PRKAR2B: variants seen among roughly 807,000 people sequenced by gnomAD.
The protein encoded by PRKAR2B is protein kinase cAMP-dependent type II regulatory subunit beta, also known as cAMP-dependent protein kinase type II-beta regulatory subunit.
Under a neutral mutation model 49.9 loss-of-function variants are expected in PRKAR2B, and 14 were observed. That is an observed-to-expected ratio of 0.28 (90% CI 0.19 to 0.44). The LOEUF (loss-of-function observed/expected upper bound fraction) is 0.44, where lower values mean the gene tolerates loss of function less well. PRKAR2B is among the 20% of genes least tolerant of loss of function. PRKAR2B has a pLI of 1.00. For missense variants in PRKAR2B, 393 were observed against 537.9 expected (o/e 0.73, Z 2.67); for synonymous variants, 196 against 197.7 (o/e 0.99, Z 0.07).
chr7:107,063,090 G>T (rs1267501148), intron 1 of PRKAR2B, among the ~76,000 whole-genome samples: 1 of 151,958 alleles, frequency 6.6e-6, no homozygotes, highest in Admixed American at 6.6e-5. Context: ...TGCAACTTCT[G>T]CCTCCCAGGT....
At chr7:107,153,933 C>G (rs1486589267) in intron 8 of PRKAR2B, among the ~76,000 whole-genome samples, 2 of 152,172 alleles carry the variant, frequency 1.3e-5, no homozygotes, top group Non-Finnish European at 2.9e-5. Context: ...CAGCCTTATA[C>G]TGTTTTGTGC....
chr7:107,135,419 T>G (rs774031380), intron 4 of PRKAR2B, among the ~76,000 whole-genome samples: 1 of 152,126 alleles, frequency 6.6e-6, no homozygotes, highest in Admixed American at 6.5e-5. Context: ...TGTAGTAAAA[T>G]GTATTGAGAA....
chr7:107,157,341 TG>T lies in PRKAR2B; in HGVS notation c.1123+20del, dbSNP rs1796111036. On this transcript the variant is annotated intron_variant, in intron 10 of 10. Transcript: ENST00000265717. ...AATGTTTAGGTAGGGATTGCAACAG[TG>T]GGCGTGCTTCTGCTGGTTGAACTTA... is the stretch of plus-strand genomic sequence containing the variant. 6.2e-7 allele frequency: 1 copy of T among 1,600,578 alleles called. No homozygotes were observed. Among genetic ancestry groups the T allele is most frequent in the Non-Finnish European group, 8.5e-7 (1 of 1,173,138 alleles).
rs201018627 is a variant in PRKAR2B at position 107,156,991 on chromosome 7, C to T, written c.926C>T (p.Ser309Leu). The change falls in exon 9 of 11, where the codon TCG (serine) becomes TTG (leucine). Residue 309 changes from serine (S) to leucine (L), a missense_variant. Coordinates refer to ENST00000265717, the MANE Select transcript of PRKAR2B (RefSeq NM_002736.3). Reference sequence around the variant, plus strand: ...TGTTATTGATTCCAATAGGGAGATTCGGCTGATTCTTTTTTCATTGTAGAA... The same window carrying T: ...TGTTATTGATTCCAATAGGGAGATTTGGCTGATTCTTTTTTCATTGTAGAA... ...DGEQIIAQGD[S>L]ADSFFIVESG... The T allele has an allele frequency of 4.4e-5, 71 of 1,609,660 alleles. No homozygotes were observed. The highest frequency in any genetic ancestry group is 5.1e-5 in the Non-Finnish European group (60 of 1,176,138).
intron 3 of PRKAR2B, among the ~76,000 whole-genome samples, chr7:107,126,394 C>T (rs531890014): frequency 2.3e-4 from 31 of 132,106 alleles, no homozygotes; most frequent in African/African-American, 9.1e-4. Context: ...ACACTCCAGC[C>T]TGGGCAACAG....
At chr7:107,100,196 A>G (rs1312216737) in intron 2 of PRKAR2B, among the ~76,000 whole-genome samples, 1 of 152,040 alleles carries the variant, frequency 6.6e-6, no homozygotes, top group African/African-American at 2.4e-5. Flanking sequence ...GCTAGCTGCA[A>G]ATACTCCTAG....
intron 4 of PRKAR2B, among the ~76,000 whole-genome samples, chr7:107,136,985 AAAAGACATG>A (rs1466958506): frequency 6.6e-6 from 1 of 152,214 alleles, no homozygotes; most frequent in African/African-American, 2.4e-5. Context: ...TCTAGTTATG[AAAAGACATG>A]GAAGACATGG....
chr7:107,102,529 C>G (rs1457494155), intron 2 of PRKAR2B, among the ~76,000 whole-genome samples: 1 of 152,204 alleles, frequency 6.6e-6, no homozygotes, highest in African/African-American at 2.4e-5. Flanking sequence ...TCAGCTTGCT[C>G]TTGAATTGTT....
intron 2 of PRKAR2B, among the ~76,000 whole-genome samples, chr7:107,112,040 C>T (rs1019122536): frequency 7.1e-5 from 10 of 141,728 alleles, no homozygotes; most frequent in Admixed American, 2.2e-4. Flanking sequence ...CAGGAACAGT[C>T]GTGTGCTCCT....
intron 2 of PRKAR2B, among the ~76,000 whole-genome samples, chr7:107,114,255 T>TGA (rs1795225907): frequency 6.6e-6 from 1 of 151,054 alleles, no homozygotes; most frequent in Non-Finnish European, 1.5e-5. Flanking sequence ...GTTTTTCCTT[T>TGA]GGAGGCATTT....
intron 2 of PRKAR2B, among the ~76,000 whole-genome samples, chr7:107,089,895 A>C (rs1794702802): frequency 6.6e-6 from 1 of 152,222 alleles, no homozygotes; most frequent in Admixed American, 6.5e-5. Flanking sequence ...TTGTGGTTGT[A>C]ATTCTATTGA....
chr7:107,128,043 A>G lies in PRKAR2B; in HGVS notation c.397-169A>G, dbSNP rs567309657. The stretch of plus-strand genomic sequence containing the variant: ...TTATGTTCCCCTACTTGGTAGGCTC[A>G]TAAGTTACCAGTCACCAAAAGTGAA... On this transcript the variant is annotated intron_variant, in intron 3 of 10. Transcript: ENST00000265717. Among the ~76,000 whole-genome samples the G allele has an allele frequency of 2.6e-5, 4 of 152,340 alleles. No individual in the cohort carries two copies. In the East Asian group the frequency reaches 7.7e-4, roughly 29 times the overall value.
chr7:107,085,476 T>A (rs1187666011), intron 2 of PRKAR2B, among the ~76,000 whole-genome samples: 5 of 152,192 alleles, frequency 3.3e-5, no homozygotes, highest in African/African-American at 1.2e-4. Context: ...TAAAAAACTT[T>A]TATTATAAAA....
chr7:107,059,696 ATGTG>A (rs10692192), intron 1 of PRKAR2B, among the ~76,000 whole-genome samples: 2 of 149,552 alleles, frequency 1.3e-5, no homozygotes, highest in Non-Finnish European at 3.0e-5. Flanking sequence ...GCTGTAGTGA[ATGTG>A]TGTGTGTGTG....
chr7:107,109,701 A>G (rs1284279539), intron 2 of PRKAR2B, among the ~76,000 whole-genome samples: 3 of 152,176 alleles, frequency 2.0e-5, no homozygotes, highest in Admixed American at 6.5e-5. Context: ...TTTGGTGTCT[A>G]TCCTACCAGA....
At chr7:107,046,518 A>G (rs1051525162) in intron 1 of PRKAR2B, among the ~76,000 whole-genome samples, 2 of 152,260 alleles carry the variant, frequency 1.3e-5, no homozygotes, top group Non-Finnish European at 2.9e-5. Flanking sequence ...CTGTGAAGAT[A>G]AAAGTGAAGC....
chr7:107,066,491 A>G (rs1794148716), intron 1 of PRKAR2B: 1 of 152,216 alleles, frequency 6.6e-6, no homozygotes, highest in Non-Finnish European at 1.5e-5. Flanking sequence ...AAGTGGTAAT[A>G]TTAGTTTACA....
At chr7:107,084,623 C>CTT (rs1228159993) in intron 2 of PRKAR2B, among the ~76,000 whole-genome samples, 5 of 141,058 alleles carry the variant, frequency 3.5e-5, no homozygotes, top group Admixed American at 7.2e-5. Flanking sequence ...CATCTATATA[C>CTT]TTTTTTTTTT....
At chr7:107,089,898 T>A (rs1387772791) in intron 2 of PRKAR2B, among the ~76,000 whole-genome samples, 1 of 152,244 alleles carries the variant, frequency 6.6e-6, no homozygotes, top group Non-Finnish European at 1.5e-5. Context: ...TGGTTGTAAT[T>A]CTATTGACTA....
Sources: gnomAD v4.1 joint callset for allele counts (sites outside exome capture counted in the v4.1 genomes callset) on GRCh38, gnomAD v4.1.1 for gene constraint, MANE v1.5 for transcripts, NCBI Gene and HGNC (gene_info 2026-07-23, HGNC 2026-07-21) for gene names.